TRPC7: variants seen among roughly 807,000 people sequenced by gnomAD.
TRPC7 encodes transient receptor potential cation channel subfamily C member 7, also known as short transient receptor potential channel 7.
A neutral mutation model predicts 90.1 loss-of-function variants in TRPC7; 42 were observed. The observed-to-expected ratio is 0.47, with a 90% confidence interval of 0.36 to 0.60. The LOEUF is 0.60. Among genes scored for constraint, TRPC7 ranks in the 20% least tolerant of loss-of-function variants. The pLI is 0.00. For missense variants in TRPC7, 955 were observed against 1,112.3 expected (o/e 0.86, Z 2.01); for synonymous variants, 451 against 436.3 (o/e 1.03, Z -0.42).
intron 3 of TRPC7, among the ~76,000 whole-genome samples, chr5:136,297,478 C>G (rs1458910301): frequency 1.3e-5 from 2 of 151,832 alleles, no homozygotes; most frequent in South Asian, 4.2e-4. Context: ...ACTTACTGCA[C>G]AAATATACAT....
intron 1 of TRPC7, among the ~76,000 whole-genome samples, chr5:136,360,150 A>C (rs1186887691): frequency 6.6e-6 from 1 of 152,184 alleles, no homozygotes. Context: ...CTACTGAACC[A>C]AGTCATAGCA....
chr5:136,305,561 C>A (rs1482105183), intron 3 of TRPC7, among the ~76,000 whole-genome samples: 3 of 152,104 alleles, frequency 2.0e-5, no homozygotes, highest in East Asian at 1.9e-4. Context: ...CCCAACTCAG[C>A]AAACTAAAAT....
chr5:136,257,499 A>G, intron 5 of TRPC7, among the ~76,000 whole-genome samples: 1 of 152,124 alleles, frequency 6.6e-6, no homozygotes. Context: ...TTTCCTAAGG[A>G]GAAAAGTAAT....
At chr5:136,224,624 C>T (rs1472704508) in intron 10 of TRPC7, among the ~76,000 whole-genome samples, 4 of 152,240 alleles carry the variant, frequency 2.6e-5, no homozygotes, top group Non-Finnish European at 5.9e-5. Context: ...ACATCCTCCT[C>T]ACTGGTATCC....
intron 1 of TRPC7, among the ~76,000 whole-genome samples, chr5:136,364,522 G>A (rs1163519302): frequency 6.6e-6 from 1 of 152,164 alleles, no homozygotes; most frequent in Admixed American, 6.5e-5. Context: ...AAAATTCACT[G>A]AGTGCCACCA....
chr5:136,282,699 G>A (rs764262265), intron 3 of TRPC7, among the ~76,000 whole-genome samples: 1 of 152,144 alleles, frequency 6.6e-6, no homozygotes, highest in Non-Finnish European at 1.5e-5. Flanking sequence ...TGAAATAAGG[G>A]CATAGTCATT....
chr5:136,281,618 G>A (rs1346116834), intron 3 of TRPC7, among the ~76,000 whole-genome samples: 1 of 152,120 alleles, frequency 6.6e-6, no homozygotes, highest in African/African-American at 2.4e-5. Context: ...ACATTCATGG[G>A]GTTGGGAACA....
chr5:136,351,822 T>C (rs1371034398), intron 2 of TRPC7, among the ~76,000 whole-genome samples: 1 of 152,198 alleles, frequency 6.6e-6, no homozygotes, highest in Non-Finnish European at 1.5e-5. Context: ...CCCAGAGAAT[T>C]TTCATGAGTC....
chr5:136,319,705 C>T (rs1759132211), intron 2 of TRPC7, among the ~76,000 whole-genome samples: 1 of 145,118 alleles, frequency 6.9e-6, no homozygotes, highest in South Asian at 2.2e-4. Flanking sequence ...GTTCCCAGTC[C>T]TCATTTTACA....
At chr5:136,268,878 A>G (rs189440457) in intron 4 of TRPC7, among the ~76,000 whole-genome samples, 151 of 152,328 alleles carry the variant, frequency 9.9e-4, no homozygotes, top group African/African-American at 3.5e-3. Flanking sequence ...ACTTTGATAA[A>G]GGTCAAATGA....
chr5:136,251,950 T>C (rs994598444), intron 5 of TRPC7, 68 bp from the exon 6 acceptor site: 6 of 1,237,376 alleles, frequency 4.8e-6, no homozygotes, highest in Admixed American at 1.7e-5. Context: ...CATGAGGTCA[T>C]GGAGGGAACC....
At chr5:136,308,212 T>C (rs909767659) in intron 3 of TRPC7, among the ~76,000 whole-genome samples, 1 of 152,244 alleles carries the variant, frequency 6.6e-6, no homozygotes, top group Non-Finnish European at 1.5e-5. Context: ...AACTTCCTCA[T>C]GTAAAAGCCC....
At chr5:136,269,274 T>G (rs1270689541) in intron 4 of TRPC7, among the ~76,000 whole-genome samples, 1 of 152,210 alleles carries the variant, frequency 6.6e-6, no homozygotes, top group African/African-American at 2.4e-5. Context: ...ACCCGAAGCT[T>G]CCTGGCCACT....
intron 7 of TRPC7, among the ~76,000 whole-genome samples, chr5:136,242,577 G>A (rs1304963516): frequency 6.6e-6 from 1 of 152,154 alleles, no homozygotes; most frequent in African/African-American, 2.4e-5. Flanking sequence ...CCTGCATAGA[G>A]CCTGAAATCC....
At chr5:136,340,486 A>G (rs1759812351) in intron 2 of TRPC7, among the ~76,000 whole-genome samples, 1 of 152,208 alleles carries the variant, frequency 6.6e-6, no homozygotes. Flanking sequence ...TGAGGTGATT[A>G]ATATCTTAAT....
chr5:136,224,418 G>A (rs1180329531), intron 10 of TRPC7, among the ~76,000 whole-genome samples: 1 of 152,214 alleles, frequency 6.6e-6, no homozygotes, highest in Non-Finnish European at 1.5e-5. Context: ...CAGGCTGGCA[G>A]TCCAAGTCTG....
Position 136,280,311 on chromosome 5 carries a change from G to C in TRPC7, c.964-5474C>G, listed in dbSNP as rs530367883. Among the ~76,000 whole-genome samples the C allele has an allele frequency of 1.8e-3, 271 of 152,262 alleles. 2 individuals carry two copies. The South Asian group carries it at 0.021, about 12-fold the overall frequency. ...AATCATGTGTCATAGGTCAAGTTGT[G>C]GATAGACATACTCTTGTGACCACAT... On this transcript the variant is annotated intron_variant, in intron 3 of 11. Coordinates refer to ENST00000513104, the MANE Select transcript of TRPC7 (RefSeq NM_020389.3).
intron 2 of TRPC7, among the ~76,000 whole-genome samples, chr5:136,334,717 A>C (rs1408276069): frequency 6.6e-6 from 1 of 152,260 alleles, no homozygotes; most frequent in Non-Finnish European, 1.5e-5. Flanking sequence ...TTCAGTGCAG[A>C]GAATAACACA....
At chr5:136,317,354 G>A (rs62385834) in intron 2 of TRPC7, among the ~76,000 whole-genome samples, 2,879 of 152,196 alleles carry the variant, frequency 0.019, 42 homozygotes, top group Non-Finnish European at 0.029. Flanking sequence ...ACTATGTAGC[G>A]GACAATGAAA....
Sources: gnomAD v4.1 joint callset for allele counts (sites outside exome capture counted in the v4.1 genomes callset) on GRCh38, gnomAD v4.1.1 for gene constraint, MANE v1.5 for transcripts, NCBI Gene and HGNC (gene_info 2026-07-23, HGNC 2026-07-21) for gene names.